RALGAPA2: variants seen among roughly 807,000 people sequenced by gnomAD.
The protein encoded by RALGAPA2 is ral GTPase-activating protein subunit alpha-2.
A neutral mutation model predicts 230.4 loss-of-function variants in RALGAPA2; 139 were observed. The ratio of observed to expected loss-of-function variants is 0.60; its 90% confidence interval spans 0.53 to 0.69. The LOEUF (loss-of-function observed/expected upper bound fraction) is 0.69, where lower values mean the gene tolerates loss of function less well. Among genes scored for constraint, RALGAPA2 ranks in the 30% least tolerant of loss-of-function variants. The probability of loss-of-function intolerance (pLI) is 0.00; values close to 1 mark genes in which losing one functional copy is unlikely to be tolerated. For missense variants in RALGAPA2, 2,163 were observed against 2,276.0 expected (o/e 0.95, Z 1.01); for synonymous variants, 847 against 837.8 (o/e 1.01, Z -0.19).
Position 20,505,460 on chromosome 20 carries a change from T to C in RALGAPA2, c.5003A>G (p.Glu1668Gly). 5 of 1,603,554 alleles carry C rather than the reference T, an allele frequency of 3.1e-6. No homozygotes were observed. The highest frequency in any genetic ancestry group is 4.3e-6 in the Non-Finnish European group (5 of 1,174,230). Residue 1668 changes from glutamate (E) to glycine (G), a missense_variant, in exon 34 of 40, where the codon GAA (glutamate) becomes GGA (glycine). Coordinates refer to ENST00000202677, the MANE Select transcript of RALGAPA2 (RefSeq NM_020343.4). Reference protein sequence around the residue: ...QEDKCSILSNERGSQAYEDFV... With the variant: ...QEDKCSILSNGRGSQAYEDFV... ...GTCTTCATATGCTTGGCTTCCTCTT[T>C]CATTAGAGAGGATTGAACACTTGTC...
chr20:20,484,921 G>C (rs1020939384), intron 36 of RALGAPA2, among the ~76,000 whole-genome samples: 7 of 152,216 alleles, frequency 4.6e-5, no homozygotes, highest in Admixed American at 4.6e-4. Flanking sequence ...ATGAAGGCTA[G>C]AGGGGCTAAC....
chr20:20,539,915 T>A (rs1246316885), intron 24 of RALGAPA2, among the ~76,000 whole-genome samples: 1 of 152,244 alleles, frequency 6.6e-6, no homozygotes. Context: ...GGTTCATTCA[T>A]GTTGTTGCAA....
intron 39 of RALGAPA2, among the ~76,000 whole-genome samples, chr20:20,393,891 G>A (rs1263983059): frequency 2.0e-5 from 3 of 152,190 alleles, no homozygotes; most frequent in African/African-American, 7.2e-5. Context: ...AAGAATGCCT[G>A]CTGCAACACC....
At chr20:20,585,093 G>A in intron 18 of RALGAPA2, 138 bp from the exon 19 acceptor site, 1 of 522,708 alleles carries the variant, frequency 1.9e-6, no homozygotes, top group Non-Finnish European at 3.3e-6. Flanking sequence ...TCCATTTGAA[G>A]GATATGTTTT....
chr20:20,617,766 C>T (rs1039211620), intron 12 of RALGAPA2, among the ~76,000 whole-genome samples: 5 of 152,222 alleles, frequency 3.3e-5, no homozygotes, highest in South Asian at 4.1e-4. Context: ...GAGACACAGT[C>T]GGAGAAAAGA....
intron 37 of RALGAPA2, among the ~76,000 whole-genome samples, chr20:20,432,743 T>A (rs577092493): frequency 8.6e-5 from 13 of 151,644 alleles, no homozygotes; most frequent in South Asian, 4.2e-4. Context: ...AAAAAAAAAA[T>A]GAATTCTAAT....
intron 1 of RALGAPA2, among the ~76,000 whole-genome samples, chr20:20,693,827 G>A (rs768702064): frequency 8.5e-5 from 13 of 152,226 alleles, no homozygotes; most frequent in South Asian, 6.2e-4. Flanking sequence ...AAAGTTGGCC[G>A]GGCACGGTGG....
chr20:20,544,758 A>G (rs1014670604), intron 24 of RALGAPA2, among the ~76,000 whole-genome samples: 6 of 152,160 alleles, frequency 3.9e-5, no homozygotes, highest in African/African-American at 1.4e-4. Flanking sequence ...TTCTCAGCAG[A>G]CTAACACAGA....
At chr20:20,455,242 G>A (rs1051176234) in intron 37 of RALGAPA2, among the ~76,000 whole-genome samples, 12 of 152,234 alleles carry the variant, frequency 7.9e-5, no homozygotes, top group East Asian at 1.9e-4. Flanking sequence ...GCTATCGATC[G>A]CTGCCTGCAG....
intron 20 of RALGAPA2, among the ~76,000 whole-genome samples, chr20:20,574,058 T>G (rs1602884247): frequency 6.6e-6 from 1 of 152,228 alleles, no homozygotes. Flanking sequence ...TTTGCACTCC[T>G]GCAAGCAAAG....
At chr20:20,480,556 T>G (rs984473349) in intron 36 of RALGAPA2, among the ~76,000 whole-genome samples, 1 of 152,148 alleles carries the variant, frequency 6.6e-6, no homozygotes, top group Non-Finnish European at 1.5e-5. Flanking sequence ...GAAGATACAG[T>G]GTTCTCAGTG....
intron 23 of RALGAPA2, among the ~76,000 whole-genome samples, chr20:20,548,258 CA>C (rs2063828422): frequency 6.6e-6 from 1 of 152,122 alleles, no homozygotes; most frequent in Non-Finnish European, 1.5e-5. Context: ...GCAGTAGTAA[CA>C]TGCTAAATTC....
rs386393507 is a variant in RALGAPA2, at chr20:20,646,055, CT to C, written c.329-2507del. ...AGAACCTTGCTTGGCCTCTGTAGGGCTTTTTTTTTTTCTTTTTGAGATGGGG... is the reference window on the plus strand; with the variant it reads ...AGAACCTTGCTTGGCCTCTGTAGGGCTTTTTTTTTTCTTTTTGAGATGGGG... On this transcript the variant is annotated intron_variant, in intron 4 of 39. Transcript: ENST00000202677. Among the ~76,000 whole-genome samples the C allele has an allele frequency of 6.5e-4, 95 of 145,706 alleles. No individual in the cohort carries two copies. In the Middle Eastern group the frequency reaches 0.014, roughly 22 times the overall value.
chr20:20,589,073 T>C (rs1402893047), intron 18 of RALGAPA2, among the ~76,000 whole-genome samples, 195 bp downstream of exon 18: 1 of 152,200 alleles, frequency 6.6e-6, no homozygotes. Context: ...ATTTTTTTCC[T>C]ATTTTTGTAA....
At chr20:20,609,504 T>C (rs919168674) in intron 14 of RALGAPA2, among the ~76,000 whole-genome samples, 4 of 151,898 alleles carry the variant, frequency 2.6e-5, no homozygotes, top group South Asian at 4.2e-4. Flanking sequence ...AGTTTTTTTT[T>C]CCCCAAAGAT....
chr20:20,467,483 T>A (rs1452787811), intron 37 of RALGAPA2, among the ~76,000 whole-genome samples: 1 of 152,192 alleles, frequency 6.6e-6, no homozygotes, highest in Non-Finnish European at 1.5e-5. Flanking sequence ...TCTAAAAAAA[T>A]ATTTCTTGTG....
At chr20:20,557,184 C>T (rs1290409634) in intron 23 of RALGAPA2, among the ~76,000 whole-genome samples, 1 of 152,064 alleles carries the variant, frequency 6.6e-6, no homozygotes, top group Non-Finnish European at 1.5e-5. Flanking sequence ...GTGGTGGGCA[C>T]CTGTAATCCC....
chr20:20,524,054 T>C (rs928945682), intron 30 of RALGAPA2, among the ~76,000 whole-genome samples: 2 of 152,120 alleles, frequency 1.3e-5, no homozygotes, highest in Non-Finnish European at 2.9e-5. Context: ...CCTCCCAGGT[T>C]CACGCCATTC....
intron 20 of RALGAPA2, among the ~76,000 whole-genome samples, chr20:20,576,092 C>A (rs565199974): frequency 6.6e-6 from 1 of 151,940 alleles, no homozygotes; most frequent in South Asian, 2.1e-4. Context: ...CTGAATTAGT[C>A]TTTTTAAAAT....
Sources: allele counts gnomAD v4.1 joint callset (sites outside exome capture counted in the v4.1 genomes callset), GRCh38; gene constraint gnomAD v4.1.1; transcripts MANE v1.5; gene names NCBI Gene and HGNC (gene_info 2026-07-23, HGNC 2026-07-21).